Variants in TCEA2 observed in about 807,000 individuals in gnomAD.
The protein encoded by TCEA2 is transcription elongation factor A2.
TCEA2 carries 21 observed loss-of-function variants against 40.8 expected under a neutral mutation model. The ratio of observed to expected loss-of-function variants is 0.51; its 90% CI spans 0.36 to 0.74. The LOEUF (loss-of-function observed/expected upper bound fraction) is 0.74. Among genes scored for constraint, TCEA2 ranks in the 30% least tolerant of loss-of-function variants. The probability of loss-of-function intolerance (pLI) is 0.00; values close to 1 mark genes in which losing one functional copy is unlikely to be tolerated. For synonymous variants in TCEA2, 165 were observed against 162.7 expected, an observed-to-expected ratio of 1.01 and a Z score of -0.11; for missense variants, 326 against 426.5, an observed-to-expected ratio of 0.76 and a Z score of 2.08.
upstream of TCEA2, among the ~76,000 whole-genome samples, chr20:64,056,329 G>A (rs568115147): frequency 3.0e-4 from 45 of 152,314 alleles, no homozygotes; most frequent in Admixed American, 2.5e-3. Context: ...CTCTGCTGGC[G>A]CATGGGACAG....
intron 1 of TCEA2, chr20:64,064,118 T>G (rs1470146939): frequency 6.6e-6 from 1 of 152,264 alleles, no homozygotes; most frequent in Non-Finnish European, 1.5e-5. Context: ...TTCTCTCCCT[T>G]CTTTAGCCAG....
intron 1 of TCEA2, 141 bp from the exon 2 acceptor site, chr20:64,066,335 A>T: frequency 1.1e-6 from 1 of 941,000 alleles, no homozygotes; most frequent in Non-Finnish European, 1.7e-6. Flanking sequence ...GTCTCCAGGT[A>T]GAGGAATTTT....
intron 4 of TCEA2, 147 bp downstream of exon 4, chr20:64,068,281 G>C: frequency 2.8e-6 from 2 of 726,556 alleles, no homozygotes; most frequent in South Asian, 3.3e-5. Context: ...CCAGCCTTGT[G>C]GTGTGTCCCG....
chr20:64,067,938 GGGGCTGGGGCCGTGTTGGTGGTC>G (rs1158929309), intron 3 of TCEA2, 86 bp from the exon 4 acceptor site: 1 of 804,154 alleles, frequency 1.2e-6, no homozygotes, highest in Non-Finnish European at 1.9e-6. Context: ...GGCGGGGGCT[GGGGCTGGGGCCGTGTTGGTGGTC>G]GGGCTGAGGC....
At chr20:64,059,960 A>G (rs1335579), upstream of TCEA2, among the ~76,000 whole-genome samples, 125,747 of 152,060 alleles carry the variant, frequency 0.83, 52,128 homozygotes, top group Non-Finnish European at 0.85. Context: ...GCTCCTTGAT[A>G]GTGACTTGCT....
upstream of TCEA2, among the ~76,000 whole-genome samples, chr20:64,059,091 G>C (rs1445793834): frequency 6.6e-6 from 1 of 151,870 alleles, no homozygotes; most frequent in African/African-American, 2.4e-5. Flanking sequence ...TACTTGGGAG[G>C]CTGAGACAAG....
chr20:64,068,077 G>A lies in TCEA2; in HGVS notation c.272G>A (p.Gly91Glu), dbSNP rs753511707. ...DASDAKARER[G>E]RGMPLPTSSR... is the part of the protein sequence containing the mutation. ...TCCGATGCCAAAGCCAGGGAGCGGG[G>A]GAGGGGCATGCCTCTGCCCACGTCC... is the stretch of plus-strand genomic sequence containing the variant. Residue 91 changes from glycine to glutamate, a missense_variant, in exon 4 of 10, where the codon GGG (glycine) becomes GAG (glutamate). Transcript: ENST00000343484. 6.2e-7 allele frequency: 1 copy of A among 1,608,460 alleles called. No individual in the cohort carries two copies. The highest frequency in any genetic ancestry group is 2.2e-5 in the East Asian group (1 of 44,654).
At chr20:64,060,571 C>T (rs2059541694), upstream of TCEA2, among the ~76,000 whole-genome samples, 1 of 152,144 alleles carries the variant, frequency 6.6e-6, no homozygotes, top group South Asian at 2.1e-4. Context: ...AGGCTGGACC[C>T]TTCAAGTCTT....
At chr20:64,069,620 G>T in intron 5 of TCEA2, 129 bp downstream of exon 5, 1 of 1,535,112 alleles carries the variant, frequency 6.5e-7, no homozygotes, top group South Asian at 1.2e-5. Context: ...TGTGGCCCTG[G>T]CAGGGGCTAG....
At chr20:64,069,588 C>T in intron 5 of TCEA2, 97 bp downstream of exon 5, 1 of 1,555,268 alleles carries the variant, frequency 6.4e-7, no homozygotes. Context: ...AGCGGGGTGA[C>T]TGTCCTCCCC....
At chr20:64,071,302 C>T (rs1038199771) in intron 8 of TCEA2, among the ~76,000 whole-genome samples, 8 of 151,462 alleles carry the variant, frequency 5.3e-5, no homozygotes, top group East Asian at 3.9e-4. Flanking sequence ...GAGTCCAGAT[C>T]GTGCCACTGC....
rs2059804244 is a variant in TCEA2, at chr20:64,070,529, T to C, written c.713T>C (p.Met238Thr). 6.2e-7 allele frequency: 1 copy of C among 1,613,810 alleles called. No individual in the cohort carries two copies. Residue 238 changes from methionine to threonine, a missense_variant, in exon 8 of 10, where the codon ATG becomes ACG. Transcript: ENST00000343484. ...SDELKEIRKA[M>T]TKEAIREHQM... ...GAGCTGAAGGAGATCCGTAAGGCCA[T>C]GACCAAGGAGGCCATCCGAGAGCAC...
intron 1 of TCEA2, chr20:64,057,782 C>T (rs936144565): frequency 6.6e-6 from 1 of 152,368 alleles, no homozygotes; most frequent in African/African-American, 2.4e-5. Context: ...CGCCACAGCC[C>T]TCACAAACGA....
At position 64,070,691 on chromosome 20, in the gene TCEA2, C is replaced by A. The variant is rs111861407; in HGVS notation, c.819+56C>A. The A allele has an allele frequency of 3.2e-3, 4,656 of 1,468,292 alleles. 111 individuals carry two copies. The African/African-American group carries it at 0.057, about 18-fold the overall frequency. The allele number at this position is 1,468,292 out of a possible 1,614,324, so 91.0% of individuals were successfully genotyped here. ...CCCGGTGTCTTCAGGGCATCTGGTG[C>A]CCCTCCTTGGAGCCCATGCCTATTC... On this transcript the variant is annotated intron_variant, in intron 8 of 9. Transcript: ENST00000343484.
chr20:64,066,968 G>A lies in TCEA2; in HGVS notation c.189G>A (p.Glu63=), dbSNP rs944191058. The change falls in exon 3 of 10, where the codon GAG becomes GAA. Residue 63 remains glutamate, a synonymous_variant. Coordinates refer to ENST00000343484, the MANE Select transcript of TCEA2 (RefSeq NM_003195.6). ...VNALRKQSSD[E]EVIALAKSLI... ...CCCTTCGGAAGCAGAGCTCGGATGA[G>A]GAGGTCATTGCACTGGCCAAGTCTC... 3 of 1,613,900 alleles carry A rather than the reference G, an allele frequency of 1.9e-6. No individual in the cohort carries two copies. The highest frequency in any genetic ancestry group is 2.7e-5 in the African/African-American group (2 of 74,934).
intron 4 of TCEA2, among the ~76,000 whole-genome samples, chr20:64,068,749 C>G (rs575460159): frequency 2.6e-5 from 4 of 152,378 alleles, no homozygotes; most frequent in African/African-American, 7.2e-5. Context: ...AAGCTGCCTG[C>G]TTCTGCCAAC....
chr20:64,068,577 G>A (rs1032350497), intron 4 of TCEA2, among the ~76,000 whole-genome samples: 2 of 152,276 alleles, frequency 1.3e-5, no homozygotes, highest in Non-Finnish European at 2.9e-5. Flanking sequence ...GGTCACTGCT[G>A]CCAGGGGGTG....
At chr20:64,059,284 T>G (rs2145434536), upstream of TCEA2, among the ~76,000 whole-genome samples, 1 of 151,712 alleles carries the variant, frequency 6.6e-6, no homozygotes, top group African/African-American at 2.4e-5. Flanking sequence ...TCTGACCCCC[T>G]GGATTGTTGA....
At chr20:64,071,534 C>T (rs2059835861) in intron 8 of TCEA2, among the ~76,000 whole-genome samples, 1 of 152,156 alleles carries the variant, frequency 6.6e-6, no homozygotes, top group Admixed American at 6.5e-5. Context: ...TGGCCGGAGG[C>T]TCACCCTTGG....
Sources: allele counts gnomAD v4.1 joint callset (sites outside exome capture counted in the v4.1 genomes callset), GRCh38; gene constraint gnomAD v4.1.1; transcripts MANE v1.5; gene names NCBI Gene and HGNC (gene_info 2026-07-23, HGNC 2026-07-21).